SUGCT: variants seen among roughly 807,000 people sequenced by gnomAD.
SUGCT encodes succinyl-CoA:glutarate CoA-transferase.
In SUGCT, 41 loss-of-function variants were observed where a neutral mutation model predicts 55.0. The ratio of observed to expected loss-of-function variants is 0.74; its 90% CI spans 0.58 to 0.97. The LOEUF is 0.97. SUGCT is among the 50% of genes least tolerant of loss of function. SUGCT has a pLI of 0.00. For missense variants in SUGCT, 568 were observed against 547.8 expected, an observed-to-expected ratio of 1.04 and a Z score of -0.37; for synonymous variants, 187 against 200.4, an observed-to-expected ratio of 0.93 and a Z score of 0.56.
At chr7:40,901,632 TA>T in the SUGCT span, among the ~76,000 whole-genome samples, 1 of 152,160 alleles carries the variant, frequency 6.6e-6, no homozygotes, top group African/African-American at 2.4e-5. Flanking sequence ...AGGTCCACGT[TA>T]ACCTTGTGGC....
intron 12 of SUGCT, among the ~76,000 whole-genome samples, chr7:40,729,944 A>G (rs1377112699): frequency 6.6e-6 from 1 of 152,168 alleles, no homozygotes; most frequent in Admixed American, 6.5e-5. Context: ...AATCTTGGCA[A>G]TTAAGATGGA....
At chr7:40,922,456 G>T in the SUGCT span, among the ~76,000 whole-genome samples, 1 of 152,160 alleles carries the variant, frequency 6.6e-6, no homozygotes, top group African/African-American at 2.4e-5. Context: ...CACGCCTCAG[G>T]AGTCAGAGAG....
intron 9 of SUGCT, among the ~76,000 whole-genome samples, chr7:40,411,505 A>T (rs1051134177): frequency 6.6e-6 from 1 of 152,228 alleles, no homozygotes. Flanking sequence ...GTTAAATGAA[A>T]TAAGCCAAAT....
chr7:40,936,297 C>A, the SUGCT span, among the ~76,000 whole-genome samples: 1 of 150,892 alleles, frequency 6.6e-6, no homozygotes, highest in African/African-American at 2.4e-5. Context: ...TCAGATTTTT[C>A]ATTTCTCCTT....
At chr7:40,785,506 T>G (rs1426685799) in intron 13 of SUGCT, among the ~76,000 whole-genome samples, 1 of 152,186 alleles carries the variant, frequency 6.6e-6, no homozygotes, top group Non-Finnish European at 1.5e-5. Context: ...CCTCCAAGGC[T>G]TGGTCACAAT....
At chr7:40,154,497 C>CT (rs1006862713) in intron 1 of SUGCT, among the ~76,000 whole-genome samples, 4 of 151,188 alleles carry the variant, frequency 2.6e-5, no homozygotes, top group African/African-American at 9.7e-5. Flanking sequence ...AGGCTTAAAA[C>CT]TTTTTTTTTA....
intron 12 of SUGCT, among the ~76,000 whole-genome samples, chr7:40,651,399 G>A (rs1584209847): frequency 6.6e-6 from 1 of 151,584 alleles, no homozygotes; most frequent in South Asian, 2.1e-4. Flanking sequence ...CTTTTGAGAA[G>A]TGTCTGTTCA....
At chr7:40,905,587 G>A in the SUGCT span, among the ~76,000 whole-genome samples, 4 of 151,714 alleles carry the variant, frequency 2.6e-5, no homozygotes, top group Admixed American at 6.6e-5. Context: ...GCCAAATATC[G>A]GTCTCTCTCA....
chr7:40,381,474 A>ACT (rs60924126), intron 9 of SUGCT, among the ~76,000 whole-genome samples: 145,695 of 152,112 alleles, frequency 0.96, 70,088 homozygotes, highest in East Asian at 1. Context: ...CAATCTTAAA[A>ACT]GTCTTCAGAG....
At chr7:40,955,324 A>T in the SUGCT span, among the ~76,000 whole-genome samples, 7 of 152,150 alleles carry the variant, frequency 4.6e-5, no homozygotes, top group Non-Finnish European at 8.8e-5. Flanking sequence ...AGTAGTTTGT[A>T]GTTCTCCTTG....
chr7:40,964,871 C>T, the SUGCT span: 4 of 152,170 alleles, frequency 2.6e-5, no homozygotes, highest in Admixed American at 6.5e-5. Flanking sequence ...TATCAGCCTT[C>T]AACTACCTCA....
chr7:40,672,674 C>T (rs574955145), intron 12 of SUGCT, among the ~76,000 whole-genome samples: 2 of 152,266 alleles, frequency 1.3e-5, no homozygotes, highest in South Asian at 4.1e-4. Flanking sequence ...TCAACATCCT[C>T]ACTGTGAGAC....
At chr7:40,896,158 A>G in the SUGCT span, among the ~76,000 whole-genome samples, 5 of 152,232 alleles carry the variant, frequency 3.3e-5, no homozygotes, top group African/African-American at 1.2e-4. Flanking sequence ...TTCAGGGTAC[A>G]TTTGATATGC....
intron 13 of SUGCT, among the ~76,000 whole-genome samples, chr7:40,800,003 T>A (rs1790729628): frequency 6.6e-6 from 1 of 152,200 alleles, no homozygotes; most frequent in Non-Finnish European, 1.5e-5. Context: ...CTACAGTGGC[T>A]CCACTCACTG....
chr7:40,170,740 C>T (rs1784631683), intron 1 of SUGCT, among the ~76,000 whole-genome samples: 2 of 151,750 alleles, frequency 1.3e-5, no homozygotes, highest in Non-Finnish European at 2.9e-5. Context: ...GGTCCTTTAA[C>T]AGCTTGCCCA....
At chr7:40,890,350 T>TATATTTATAATAATATAA in the SUGCT span, among the ~76,000 whole-genome samples, 4 of 143,482 alleles carry the variant, frequency 2.8e-5, no homozygotes, top group Non-Finnish European at 6.0e-5. Flanking sequence ...TAAATATTAA[T>TATATTTATAATAATATAA]ATATTTATAA....
chr7:40,628,889 C>T (rs1309064973), intron 12 of SUGCT, among the ~76,000 whole-genome samples: 2 of 152,062 alleles, frequency 1.3e-5, no homozygotes, highest in Non-Finnish European at 2.9e-5. Flanking sequence ...TACAGGCGTG[C>T]ACCACCACAC....
chr7:40,566,764 G>A (rs1032723934), intron 12 of SUGCT, among the ~76,000 whole-genome samples: 4 of 152,126 alleles, frequency 2.6e-5, no homozygotes, highest in Admixed American at 2.0e-4. Context: ...GCTCATAAAA[G>A]CTGTTTTAAT....
At chr7:40,772,526 C>CTATT (rs900202037) in intron 13 of SUGCT, among the ~76,000 whole-genome samples, 1 of 151,142 alleles carries the variant, frequency 6.6e-6, no homozygotes, top group African/African-American at 2.4e-5. Context: ...ATCTATCTAT[C>CTATT]TATCTATCTA....
Sources: allele counts gnomAD v4.1 joint callset (sites outside exome capture counted in the v4.1 genomes callset), GRCh38; gene constraint gnomAD v4.1.1; transcripts MANE v1.5; gene names NCBI Gene and HGNC (gene_info 2026-07-23, HGNC 2026-07-21).